INPP4B: variants seen among roughly 807,000 people sequenced by gnomAD.
INPP4B encodes inositol polyphosphate 4-phosphatase type II.
INPP4B carries 55 observed loss-of-function variants against 122.5 expected under a neutral mutation model. That is an observed-to-expected ratio of 0.45 (90% confidence interval 0.36 to 0.56). The LOEUF (loss-of-function observed/expected upper bound fraction) is 0.56, where lower values mean the gene tolerates loss of function less well. Ranked by LOEUF, INPP4B falls within the 20% of genes least tolerant of loss-of-function variation. The pLI is 0.00. For synonymous variants in INPP4B, 403 were observed against 388.7 expected (o/e 1.04, Z -0.43); for missense variants, 1,000 against 1,097.7 (o/e 0.91, Z 1.26).
intron 25 of INPP4B, among the ~76,000 whole-genome samples, chr4:142,035,412 C>CT (rs1488612584): frequency 2.0e-5 from 3 of 152,062 alleles, no homozygotes; most frequent in Non-Finnish European, 4.4e-5. Flanking sequence ...ACGTTGGCAC[C>CT]TTTTAAAATG....
At chr4:142,339,310 T>A (rs751258372) in intron 7 of INPP4B, among the ~76,000 whole-genome samples, 1 of 152,238 alleles carries the variant, frequency 6.6e-6, no homozygotes, top group Non-Finnish European at 1.5e-5. Context: ...ATAGCCATGC[T>A]TGTGTGCAAA....
At chr4:142,312,482 T>A (rs928812203) in intron 8 of INPP4B, among the ~76,000 whole-genome samples, 1 of 151,746 alleles carries the variant, frequency 6.6e-6, no homozygotes, top group African/African-American at 2.4e-5. Flanking sequence ...TGGGAACTGA[T>A]TGTCTCTCCT....
chr4:142,839,956 C>T (rs182502709), intron 1 of INPP4B, among the ~76,000 whole-genome samples: 1 of 152,266 alleles, frequency 6.6e-6, no homozygotes, highest in East Asian at 1.9e-4. Context: ...GAGGACATTC[C>T]AACCAGACAC....
chr4:142,484,506 T>C (rs1820964783), intron 2 of INPP4B, among the ~76,000 whole-genome samples: 1 of 152,090 alleles, frequency 6.6e-6, no homozygotes, highest in Non-Finnish European at 1.5e-5. Context: ...TGATACATCA[T>C]CAATTTATCA....
chr4:142,601,924 G>A (rs1417737909), intron 2 of INPP4B, among the ~76,000 whole-genome samples: 2 of 126,342 alleles, frequency 1.6e-5, no homozygotes, highest in Admixed American at 1.0e-4. Flanking sequence ...AGCCAAGATT[G>A]CACCACTGCA....
At chr4:142,258,620 T>G (rs1420455025) in intron 11 of INPP4B, among the ~76,000 whole-genome samples, 2 of 152,092 alleles carry the variant, frequency 1.3e-5, no homozygotes, top group African/African-American at 2.4e-5. Flanking sequence ...CCATCACTGG[T>G]CATCAGAGAA....
In INPP4B at chr4:142,180,896, C is replaced by T. The variant is rs77667151; in HGVS notation, c.1182-7087G>A. On this transcript the variant is annotated intron_variant, in intron 15 of 25. Transcript: ENST00000262992. Reference sequence around the variant, plus strand: ...AGAGATGTATGATTCTATTTTGTAACACAAATTAAAGAATTTCAGAATTGT... The same window carrying T: ...AGAGATGTATGATTCTATTTTGTAATACAAATTAAAGAATTTCAGAATTGT... Among the ~76,000 whole-genome samples, 94 of 152,154 alleles carry T rather than the reference C, an allele frequency of 6.2e-4. 1 individual carries two copies. The highest frequency in any genetic ancestry group is 2.1e-3 in the African/African-American group (89 of 41,526).
chr4:142,086,381 G>T, intron 23 of INPP4B, 125 bp from the exon 24 acceptor site: 2 of 622,738 alleles, frequency 3.2e-6, no homozygotes, highest in South Asian at 2.0e-5. Context: ...GTCTTGCTCT[G>T]CCTACCCAGG....
chr4:142,183,289 C>T (rs1831694429), intron 15 of INPP4B, among the ~76,000 whole-genome samples: 1 of 152,190 alleles, frequency 6.6e-6, no homozygotes, highest in Admixed American at 6.5e-5. Context: ...GCCAATCCAT[C>T]TTCCTTCTCT....
chr4:142,250,237 G>A (rs530164521), intron 11 of INPP4B, among the ~76,000 whole-genome samples: 2 of 152,328 alleles, frequency 1.3e-5, no homozygotes, highest in South Asian at 4.1e-4. Context: ...GCAAGGGCAT[G>A]AAAAGGGTGA....
At chr4:142,157,752 G>T (rs1429520963) in intron 17 of INPP4B, among the ~76,000 whole-genome samples, 3 of 152,026 alleles carry the variant, frequency 2.0e-5, no homozygotes, top group African/African-American at 7.2e-5. Flanking sequence ...TGATACTCCA[G>T]CCTTGGCTGG....
At chr4:142,587,361 A>G (rs1235501083) in intron 2 of INPP4B, among the ~76,000 whole-genome samples, 4 of 152,064 alleles carry the variant, frequency 2.6e-5, no homozygotes, top group African/African-American at 7.2e-5. Context: ...AGTGATTTTA[A>G]AATTGTGCTG....
At chr4:142,076,379 T>G (rs1316498338) in intron 25 of INPP4B, among the ~76,000 whole-genome samples, 1 of 152,040 alleles carries the variant, frequency 6.6e-6, no homozygotes, top group Non-Finnish European at 1.5e-5. Context: ...CTAACATGAT[T>G]TCTAAGATGT....
intron 2 of INPP4B, among the ~76,000 whole-genome samples, chr4:142,644,176 T>G (rs1751188149): frequency 2.7e-5 from 4 of 148,072 alleles, no homozygotes; most frequent in Non-Finnish European, 5.9e-5. Context: ...TCCAGCAGCA[T>G]AGGTGACAGA....
chr4:142,184,901 T>G (rs2152989622), intron 15 of INPP4B, among the ~76,000 whole-genome samples: 1 of 152,274 alleles, frequency 6.6e-6, no homozygotes, highest in Non-Finnish European at 1.5e-5. Flanking sequence ...TATTGCACCT[T>G]AGATTTTCTC....
At chr4:142,341,228 T>C (rs1778589925) in intron 7 of INPP4B, among the ~76,000 whole-genome samples, 1 of 152,206 alleles carries the variant, frequency 6.6e-6, no homozygotes, top group South Asian at 2.1e-4. Flanking sequence ...TTTGACATTA[T>C]GGTTATTATG....
At chr4:142,449,348 T>C (rs1813634760) in intron 3 of INPP4B, among the ~76,000 whole-genome samples, 1 of 152,182 alleles carries the variant, frequency 6.6e-6, no homozygotes, top group Non-Finnish European at 1.5e-5. Context: ...AGCATCTGTA[T>C]TACCCAGAAG....
At chr4:142,832,241 T>C (rs1782235539) in intron 1 of INPP4B, among the ~76,000 whole-genome samples, 1 of 152,148 alleles carries the variant, frequency 6.6e-6, no homozygotes, top group Non-Finnish European at 1.5e-5. Flanking sequence ...CATATTGGGT[T>C]CCAAAGCTCT....
chr4:142,332,566 G>C (rs410133), intron 7 of INPP4B, among the ~76,000 whole-genome samples: 1 of 152,042 alleles, frequency 6.6e-6, no homozygotes, highest in Non-Finnish European at 1.5e-5. Flanking sequence ...GTTTGAGCTA[G>C]ATAAACCTTT....
Sources: allele counts gnomAD v4.1 joint callset (sites outside exome capture counted in the v4.1 genomes callset), GRCh38; gene constraint gnomAD v4.1.1; transcripts MANE v1.5; gene names NCBI Gene and HGNC (gene_info 2026-07-23, HGNC 2026-07-21).